TBC1D5: variants seen among roughly 807,000 people sequenced by gnomAD.
The protein encoded by TBC1D5 is TBC1 domain family member 5.
TBC1D5 carries 75 observed loss-of-function variants against 100.3 expected under a neutral mutation model. The ratio of observed to expected loss-of-function variants is 0.75; its 90% confidence interval spans 0.62 to 0.91. The LOEUF (loss-of-function observed/expected upper bound fraction) is 0.91. Among genes scored for constraint, TBC1D5 ranks in the 40% least tolerant of loss-of-function variants. TBC1D5 has a pLI of 0.00. For synonymous variants in TBC1D5, 323 were observed against 325.6 expected (o/e 0.99, Z 0.09); for missense variants, 910 against 942.4 (o/e 0.97, Z 0.45).
chr3:17,161,443 A>G (rs1173958412), intron 21 of TBC1D5, among the ~76,000 whole-genome samples, 187 bp from the exon 23 acceptor site: 2 of 152,230 alleles, frequency 1.3e-5, no homozygotes, highest in African/African-American at 2.4e-5. Context: ...GTGCAGTGCC[A>G]GCAGCATCTT....
chr3:17,523,283 C>A (rs1257638032), intron 2 of TBC1D5, among the ~76,000 whole-genome samples: 1 of 152,018 alleles, frequency 6.6e-6, no homozygotes, highest in Non-Finnish European at 1.5e-5. Context: ...TCACTATGTA[C>A]AATGGCATGG....
At chr3:17,504,283 TGGGGGGA>T (rs1223619606) in intron 3 of TBC1D5, among the ~76,000 whole-genome samples, 3 of 4,284 alleles carry the variant, frequency 7.0e-4, no homozygotes, top group Admixed American at 2.6e-3. Context: ...TGTTGTGGGG[TGGGGGGA>T]GGGGGGAGGG....
At chr3:17,166,892 G>C (rs1481949449) in exon 21 of TBC1D5, 1 of 1,613,056 alleles carries the variant, frequency 6.2e-7, no homozygotes, top group Admixed American at 1.7e-5. Flanking sequence ...AGCTGGCTCT[G>C]GTTAAAACGC....
At chr3:17,690,452 G>A (rs2070978262) in intron 1 of TBC1D5, among the ~76,000 whole-genome samples, 2 of 31,438 alleles carry the variant, frequency 6.4e-5, no homozygotes, top group African/African-American at 9.5e-5. Context: ...TCCTGACCTC[G>A]TGATCCGCCC....
At chr3:17,667,696 C>T (rs1311554888) in intron 1 of TBC1D5, among the ~76,000 whole-genome samples, 2 of 152,092 alleles carry the variant, frequency 1.3e-5, no homozygotes, top group Non-Finnish European at 1.5e-5. Flanking sequence ...AAGCTATCTA[C>T]CCGCCTCAAC....
intron 2 of TBC1D5, among the ~76,000 whole-genome samples, chr3:17,517,832 T>C (rs575120374): frequency 6.6e-6 from 1 of 152,294 alleles, no homozygotes; most frequent in East Asian, 1.9e-4. Context: ...ATCTATCTTC[T>C]CTTCAGAAGA....
chr3:17,308,080 C>T, exon 14 of TBC1D5: 2 of 1,610,276 alleles, frequency 1.2e-6, no homozygotes, highest in African/African-American at 1.3e-5. Context: ...CATCCCAGAC[C>T]ACCAGAAGGT....
intron 13 of TBC1D5, among the ~76,000 whole-genome samples, chr3:17,343,197 A>C (rs1482301497): frequency 3.9e-5 from 6 of 152,140 alleles, no homozygotes; most frequent in Admixed American, 3.9e-4. Flanking sequence ...ATTTTGTCAA[A>C]GGCCTTTTCT....
chr3:17,375,026 G>A (rs1359431117), intron 10 of TBC1D5, among the ~76,000 whole-genome samples: 1 of 151,994 alleles, frequency 6.6e-6, no homozygotes, highest in Non-Finnish European at 1.5e-5. Context: ...GTAGTTACTG[G>A]TCAAATATGC....
At chr3:17,429,510 C>A (rs754395204) in intron 3 of TBC1D5, among the ~76,000 whole-genome samples, 6 of 151,724 alleles carry the variant, frequency 4.0e-5, no homozygotes, top group Non-Finnish European at 8.9e-5. Flanking sequence ...ATATTTACAG[C>A]TTAATATAAC....
intron 1 of TBC1D5, among the ~76,000 whole-genome samples, chr3:17,672,852 G>A (rs6770513): frequency 0.011 from 1,681 of 152,274 alleles, 31 homozygotes; most frequent in African/African-American, 0.038. Context: ...TGAAAACACC[G>A]AGCCCTACAG....
At chr3:17,612,872 G>A (rs1197154851) in intron 2 of TBC1D5, among the ~76,000 whole-genome samples, 1 of 148,686 alleles carries the variant, frequency 6.7e-6, no homozygotes, top group African/African-American at 2.5e-5. Context: ...CATAAGGGAT[G>A]AGAAAGCCCC....
intron 1 of TBC1D5, among the ~76,000 whole-genome samples, chr3:17,654,550 G>C (rs2065880021): frequency 1.3e-5 from 2 of 152,194 alleles, no homozygotes; most frequent in South Asian, 4.1e-4. Context: ...TGTGCTGCTG[G>C]ATTCGGTTTG....
intron 3 of TBC1D5, among the ~76,000 whole-genome samples, chr3:17,446,098 T>C (rs1181556838): frequency 6.6e-6 from 1 of 152,198 alleles, no homozygotes; most frequent in Non-Finnish European, 1.5e-5. Context: ...CTCTGTGGCA[T>C]AAAAATATGT....
At chr3:17,265,885 CTTT>C (rs367863783) in intron 15 of TBC1D5, among the ~76,000 whole-genome samples, 1 of 142,546 alleles carries the variant, frequency 7.0e-6, no homozygotes, top group African/African-American at 2.6e-5. Context: ...CTGCCAATTG[CTTT>C]TTTTTTTTTT....
chr3:17,325,309 T>A (rs1575341868), intron 13 of TBC1D5, among the ~76,000 whole-genome samples: 1 of 143,692 alleles, frequency 7.0e-6, no homozygotes, highest in African/African-American at 2.6e-5. Context: ...ATAGAGGCAA[T>A]AATATGGATG....
rs9755011 is a variant in TBC1D5 at position 17,554,643 on chromosome 3, G to C, written c.-35-46038C>G. On this transcript the variant is annotated intron_variant, in intron 2 of 21. Transcript: ENST00000253692. ...ATTCTTTATTCTCCCCCATCATGGA[G>C]CACTTTTCTGCACTTGGGTACTGAG... Among the ~76,000 whole-genome samples the C allele has an allele frequency of 1.1e-3, 167 of 152,258 alleles. 1 individual carries two copies. The highest frequency in any genetic ancestry group is 3.8e-3 in the African/African-American group (158 of 41,552).
At chr3:17,281,408 C>A (rs572241582) in intron 15 of TBC1D5, among the ~76,000 whole-genome samples, 1 of 152,174 alleles carries the variant, frequency 6.6e-6, no homozygotes, top group Non-Finnish European at 1.5e-5. Flanking sequence ...CATATGAGGA[C>A]CATACTCATG....
At chr3:17,613,059 C>A (rs545063763) in intron 2 of TBC1D5, among the ~76,000 whole-genome samples, 1 of 152,078 alleles carries the variant, frequency 6.6e-6, no homozygotes, top group Non-Finnish European at 1.5e-5. Flanking sequence ...CAACAGACCC[C>A]GGTGTGTGAT....
Sources: allele counts gnomAD v4.1 joint callset (sites outside exome capture counted in the v4.1 genomes callset), GRCh38; gene constraint gnomAD v4.1.1; transcripts MANE v1.5; gene names NCBI Gene and HGNC (gene_info 2026-07-23, HGNC 2026-07-21).